The following ARL14EP variants were observed in gnomAD, a reference collection of about 807,000 sequenced individuals.
ARL14EP encodes ARL14 effector protein.
ARL14EP carries 12 observed loss-of-function variants against 23.1 expected under a neutral mutation model. The ratio of observed to expected loss-of-function variants is 0.52; its 90% confidence interval spans 0.33 to 0.84. The LOEUF is 0.84. Ranked by LOEUF, ARL14EP falls within the 40% of genes least tolerant of loss-of-function variation. The probability of loss-of-function intolerance (pLI) is 0.02; values close to 1 mark genes in which losing one functional copy is unlikely to be tolerated. For missense variants in ARL14EP, 253 were observed against 307.3 expected (o/e 0.82, Z 1.32); for synonymous variants, 97 against 102.0 (o/e 0.95, Z 0.29).
chr11:30,330,650 C>T (rs540500012), intron 1 of ARL14EP: 161 of 297,174 alleles, frequency 5.4e-4, no homozygotes, highest in African/African-American at 3.3e-3. Flanking sequence ...TTATTTCCTC[C>T]TTTTTAATTC....
chr11:30,333,716 G>A (rs1947305769), intron 3 of ARL14EP, among the ~76,000 whole-genome samples: 1 of 152,130 alleles, frequency 6.6e-6, no homozygotes, highest in African/African-American at 2.4e-5. Context: ...GTGTTCAAGT[G>A]AAAGGAAGAG....
At chr11:30,328,935 A>T (rs1013490873) in intron 1 of ARL14EP, 2 of 152,052 alleles carry the variant, frequency 1.3e-5, no homozygotes, top group East Asian at 1.9e-4. Context: ...CATTGGTTGC[A>T]TATTTTCTTG....
Position 30,331,130 on chromosome 11 carries a change from T to C in ARL14EP, c.182T>C (p.Val61Ala). 3 of 1,613,962 alleles carry C rather than the reference T, an allele frequency of 1.9e-6. No individual in the cohort carries two copies. The South Asian group carries it at 3.3e-5, about 18-fold the overall frequency. The change falls in exon 2 of 4, where the codon GTA becomes GCA. Residue 61 changes from valine (V) to alanine (A), a missense_variant. Val to Ala is a moderately conservative substitution (Grantham distance 64). Coordinates refer to ENST00000282032, the MANE Select transcript of ARL14EP (RefSeq NM_152316.3). The part of the protein sequence containing the change: ...SGNNTICFHH[V>A]KIYIDRFEDL... ...AACAATACAATTTGCTTTCATCATGTAAAAATTTACATTGACAGATTTGAG... is the reference window on the plus strand; with the variant it reads ...AACAATACAATTTGCTTTCATCATGCAAAAATTTACATTGACAGATTTGAG...
Position 30,333,008 on chromosome 11 carries a change from A to T in ARL14EP, c.554+15A>T. ...GGTTCAGACAGGTAGGCTAAGTGTT[A>T]CTGAAGACATGTTAACTTGCTGCTT... On this transcript the variant is annotated intron_variant, in intron 3 of 3. Coordinates refer to ENST00000282032, the MANE Select transcript of ARL14EP (RefSeq NM_152316.3). 1.2e-6 allele frequency: 2 copies of T among 1,611,920 alleles called. No individual in the cohort carries two copies. Among genetic ancestry groups the T allele is most frequent in the South Asian group, 2.2e-5 (2 of 90,864 alleles).
intron 1 of ARL14EP, among the ~76,000 whole-genome samples, chr11:30,327,397 A>G (rs573450976): frequency 6.6e-6 from 1 of 152,220 alleles, no homozygotes; most frequent in Non-Finnish European, 1.5e-5. Flanking sequence ...CCTAAAGGGT[A>G]AAAATGTATT....
intron 1 of ARL14EP, among the ~76,000 whole-genome samples, chr11:30,324,795 T>G (rs1343127694): frequency 1.3e-5 from 2 of 152,212 alleles, no homozygotes; most frequent in Non-Finnish European, 2.9e-5. Flanking sequence ...ATACTTTTGT[T>G]TACTGCCTAA....
chr11:30,332,856 C>G lies in ARL14EP; in HGVS notation c.427-10C>G. On this transcript the variant is annotated splice_polypyrimidine_tract_variant and intron_variant, in intron 2 of 3. Coordinates refer to ENST00000282032, the MANE Select transcript of ARL14EP (RefSeq NM_152316.3). ...AGATTTGAGTTGATAATTTGTTTACCTTTCTTCAGGGAAGAACTGCTAAAG... is the reference window on the plus strand; with the variant it reads ...AGATTTGAGTTGATAATTTGTTTACGTTTCTTCAGGGAAGAACTGCTAAAG... 6.2e-7 allele frequency: 1 copy of G among 1,612,046 alleles called. No individual in the cohort carries two copies. The highest frequency in any genetic ancestry group is 8.5e-7 in the Non-Finnish European group (1 of 1,178,784).
intron 1 of ARL14EP, chr11:30,330,455 A>G (rs1301965076): frequency 6.4e-6 from 1 of 156,278 alleles, no homozygotes; most frequent in African/African-American, 2.4e-5. Context: ...TATTTAGGGT[A>G]CCGTTTTTGT....
chr11:30,331,048 T>C lies in ARL14EP; in HGVS notation c.100T>C (p.Leu34=). ...CACAGGTTTTAAGACTTTGCAAGAA[T>C]TGTCATCAAATGATATGCTTTTACT... ...RHTGFKTLQE[L]SSNDMLLLQL... The change falls in exon 2 of 4, where the codon TTG becomes CTG. Residue 34 remains leucine (L), a synonymous_variant. Transcript: ENST00000282032. 1.2e-6 allele frequency: 2 copies of C among 1,613,888 alleles called. No individual in the cohort carries two copies. The highest frequency in any genetic ancestry group is 1.7e-6 in the Non-Finnish European group (2 of 1,179,818).
intron 2 of ARL14EP, chr11:30,331,726 G>T: frequency 9.3e-7 from 1 of 1,070,906 alleles, no homozygotes; most frequent in Non-Finnish European, 1.1e-6. Flanking sequence ...AACCACCAAG[G>T]GTCTTTGCAG....
chr11:30,327,994 A>C (rs554909833), intron 1 of ARL14EP: 1 of 152,040 alleles, frequency 6.6e-6, no homozygotes, highest in South Asian at 2.1e-4. Context: ...TATATAAAAA[A>C]TAAGAAAGGT....
At chr11:30,326,221 C>G (rs184582056) in intron 1 of ARL14EP, among the ~76,000 whole-genome samples, 1 of 152,216 alleles carries the variant, frequency 6.6e-6, no homozygotes, top group East Asian at 1.9e-4. Context: ...CAGTACATAG[C>G]AAACTGTAAT....
intron 3 of ARL14EP, among the ~76,000 whole-genome samples, chr11:30,333,249 T>G (rs1276356357): frequency 6.6e-6 from 1 of 152,222 alleles, no homozygotes; most frequent in Admixed American, 6.5e-5. Context: ...ATAATTACAA[T>G]TAAAGTAATT....
chr11:30,324,642 T>C (rs1947223660), intron 1 of ARL14EP, among the ~76,000 whole-genome samples: 1 of 152,164 alleles, frequency 6.6e-6, no homozygotes, highest in Non-Finnish European at 1.5e-5. Flanking sequence ...TTTTCTCAGC[T>C]TCCTCAACCT....
chr11:30,332,767 C>A, intron 2 of ARL14EP, 99 bp from the exon 3 acceptor site: 1 of 1,445,396 alleles, frequency 6.9e-7, no homozygotes, highest in Non-Finnish European at 9.5e-7. Flanking sequence ...TCCAGACTGT[C>A]TTCCATGTTA....
chr11:30,324,461 A>C (rs1947221401), intron 1 of ARL14EP, among the ~76,000 whole-genome samples: 1 of 152,144 alleles, frequency 6.6e-6, no homozygotes, highest in African/African-American at 2.4e-5. Flanking sequence ...CTCCCCTACA[A>C]ATTTAGGAAG....
At chr11:30,331,475 G>T (rs1328787707) in intron 2 of ARL14EP, 101 bp downstream of exon 2, 1 of 1,555,476 alleles carries the variant, frequency 6.4e-7, no homozygotes, top group African/African-American at 1.4e-5. Context: ...AAATTTGTTA[G>T]CATACAGTGA....
rs201994546 is a variant in ARL14EP at position 30,336,594 on chromosome 11, C to T, written c.582C>T (p.Val194=). ...AAGTGATACCAGCAAAGAGTAAGGT[C>T]TATGATAGCCAGGGTCTCCTGATTT... The part of the protein sequence containing the change: ...DRQVIPAKSK[V]YDSQGLLIFS... Residue 194 remains valine (V), a synonymous_variant, in exon 4 of 4, where the codon GTC becomes GTT. Transcript: ENST00000282032. 1 of 1,613,664 alleles carries T rather than the reference C, an allele frequency of 6.2e-7. No individual in the cohort carries two copies. The highest frequency in any genetic ancestry group is 1.7e-5 in the Admixed American group (1 of 59,988).
At chr11:30,327,837 G>A (rs978179759) in intron 1 of ARL14EP, among the ~76,000 whole-genome samples, 6 of 150,404 alleles carry the variant, frequency 4.0e-5, no homozygotes, top group Admixed American at 2.0e-4. Context: ...TTAGCCAGGC[G>A]TGGTGGCGGG....
Sources: gnomAD v4.1 joint callset for allele counts (sites outside exome capture counted in the v4.1 genomes callset) on GRCh38, gnomAD v4.1.1 for gene constraint, MANE v1.5 for transcripts, NCBI Gene and HGNC (gene_info 2026-07-23, HGNC 2026-07-21) for gene names.